Variants in AUTS2 observed in about 807,000 individuals in gnomAD.
The protein encoded by AUTS2 is autism susceptibility gene 2 protein.
A neutral mutation model predicts 112.4 loss-of-function variants in AUTS2; 17 were observed. That is an observed-to-expected ratio of 0.15 (90% CI 0.10 to 0.23). The LOEUF (loss-of-function observed/expected upper bound fraction) is 0.23, where lower values mean the gene tolerates loss of function less well. Ranked by LOEUF, AUTS2 falls within the 10% of genes least tolerant of loss-of-function variation. AUTS2 has a pLI of 1.00. For missense variants in AUTS2, 1,510 were observed against 1,701.6 expected, an observed-to-expected ratio of 0.89 and a Z score of 1.98; for synonymous variants, 751 against 702.7, an observed-to-expected ratio of 1.07 and a Z score of -1.09.
chr7:70,488,211 C>G (rs373268300), intron 5 of AUTS2, among the ~76,000 whole-genome samples: 4 of 152,312 alleles, frequency 2.6e-5, no homozygotes, highest in East Asian at 3.9e-4. Context: ...AGCCCTCGTG[C>G]CCGGCGCTCT....
At chr7:70,410,851 GTTA>G (rs138979707) in intron 4 of AUTS2, among the ~76,000 whole-genome samples, 59 of 148,188 alleles carry the variant, frequency 4.0e-4, no homozygotes, top group East Asian at 2.0e-3. Flanking sequence ...TATTATTATT[GTTA>G]TTATTATTAT....
At chr7:70,424,227 G>T (rs1007468031) in intron 4 of AUTS2, among the ~76,000 whole-genome samples, 1 of 152,214 alleles carries the variant, frequency 6.6e-6, no homozygotes, top group Non-Finnish European at 1.5e-5. Context: ...ACTGTGCTCA[G>T]TCCCTCTTAA....
At chr7:70,495,127 G>A (rs1487189232) in intron 5 of AUTS2, among the ~76,000 whole-genome samples, 1 of 150,686 alleles carries the variant, frequency 6.6e-6, no homozygotes, top group Non-Finnish European at 1.5e-5. Flanking sequence ...GTCTCGTGCC[G>A]ACCCTAGTAA....
At chr7:70,337,771 A>C (rs1231725587) in intron 4 of AUTS2, among the ~76,000 whole-genome samples, 3 of 152,320 alleles carry the variant, frequency 2.0e-5, no homozygotes, top group Non-Finnish European at 2.9e-5. Context: ...CATGCATGTT[A>C]ACATGTGTGT....
At chr7:70,000,536 A>G (rs1799144948) in intron 2 of AUTS2, among the ~76,000 whole-genome samples, 1 of 152,158 alleles carries the variant, frequency 6.6e-6, no homozygotes, top group Admixed American at 6.5e-5. Context: ...AACAGAGTTG[A>G]TTGTTTACCT....
intron 6 of AUTS2, among the ~76,000 whole-genome samples, chr7:70,762,134 A>AATG (rs2129556819): frequency 1.3e-5 from 2 of 152,372 alleles, no homozygotes; most frequent in African/African-American, 4.8e-5. Flanking sequence ...GATGTTAAAT[A>AATG]ATGTTTGACT....
chr7:70,790,793 C>T lies in AUTS2; in HGVS notation c.3577C>T (p.His1193Tyr), dbSNP rs758166715. Residue 1193 changes from histidine to tyrosine, a missense_variant, in exon 19 of 19, where the codon CAC becomes TAC. Physicochemically the swap from His to Tyr is moderately conservative, Grantham distance 83 (BLOSUM62 2). This residue lies in a region of AUTS2 where 788 missense variants were observed against 797.6 expected (regional missense o/e 0.99). Coordinates refer to ENST00000342771, the MANE Select transcript of AUTS2 (RefSeq NM_015570.4). The surrounding 1 kb of genome is among the most constrained non-coding windows in gnomAD (Gnocchi z 7.6). ...CATCACCCCGGGACTCCCCAGCATGCACTATCCCCGCATCAGCCCCACCGC... is the reference window on the plus strand; with the variant it reads ...CATCACCCCGGGACTCCCCAGCATGTACTATCCCCGCATCAGCCCCACCGC... ...SLITPGLPSMHYPRISPTAGN... is the reference protein window; with the variant it reads ...SLITPGLPSMYYPRISPTAGN... The T allele has an allele frequency of 1.2e-6, 2 of 1,610,776 alleles. No homozygotes were observed. Among genetic ancestry groups the T allele is most frequent in the Non-Finnish European group, 1.7e-6 (2 of 1,178,268 alleles).
chr7:69,785,023 A>G (rs561463626), intron 1 of AUTS2, among the ~76,000 whole-genome samples: 1 of 152,184 alleles, frequency 6.6e-6, no homozygotes, highest in South Asian at 2.1e-4. Flanking sequence ...GATAAATACT[A>G]TGAAAGGAAA....
chr7:70,430,900 A>T (rs1795634443), intron 4 of AUTS2, among the ~76,000 whole-genome samples: 1 of 121,286 alleles, frequency 8.2e-6, no homozygotes, highest in African/African-American at 3.3e-5. Context: ...CAGTGGCGGG[A>T]TCTCGGCTCA....
chr7:70,209,478 A>G (rs1167309236), intron 4 of AUTS2, among the ~76,000 whole-genome samples: 1 of 152,200 alleles, frequency 6.6e-6, no homozygotes, highest in Non-Finnish European at 1.5e-5. Context: ...AACCATCAGC[A>G]TATGGGATTG....
At chr7:70,597,313 TCC>T (rs1396967441) in intron 5 of AUTS2, among the ~76,000 whole-genome samples, 4 of 152,222 alleles carry the variant, frequency 2.6e-5, no homozygotes, top group Non-Finnish European at 5.9e-5. Context: ...ATACCAGAGC[TCC>T]CTCTCTCCTG....
chr7:70,076,908 C>T lies in AUTS2; in HGVS notation c.523-41224C>T, dbSNP rs1803062633. On this transcript the variant is annotated intron_variant, in intron 2 of 18. Coordinates refer to ENST00000342771, the MANE Select transcript of AUTS2 (RefSeq NM_015570.4). ...TAGAGTGCTTGCAGAGAAAGTTATC[C>T]AGGTGGTTGAAGGGACTCAGAATCA... is the stretch of plus-strand genomic sequence containing the variant. Among the ~76,000 whole-genome samples, 3 of 152,062 alleles carry T rather than the reference C, an allele frequency of 2.0e-5. No individual in the cohort carries two copies. The South Asian group carries it at 6.2e-4, about 31-fold the overall frequency.
At chr7:70,266,677 C>T (rs892520606) in intron 4 of AUTS2, among the ~76,000 whole-genome samples, 11 of 152,022 alleles carry the variant, frequency 7.2e-5, no homozygotes, top group African/African-American at 2.7e-4. Flanking sequence ...AAACTGTACT[C>T]TTAAAATGTG....
At chr7:70,580,059 G>A (rs927176716) in intron 5 of AUTS2, among the ~76,000 whole-genome samples, 1 of 152,036 alleles carries the variant, frequency 6.6e-6, no homozygotes, top group African/African-American at 2.4e-5. Flanking sequence ...GCCACTTGGG[G>A]CTCCACAACA....
chr7:70,034,307 TC>T (rs1800906416), intron 2 of AUTS2, among the ~76,000 whole-genome samples: 1 of 152,168 alleles, frequency 6.6e-6, no homozygotes, highest in Admixed American at 6.5e-5. Flanking sequence ...AATAAGTAAC[TC>T]TGTGATGCTT....
chr7:70,549,837 C>T (rs1800945541), intron 5 of AUTS2, among the ~76,000 whole-genome samples: 1 of 152,210 alleles, frequency 6.6e-6, no homozygotes, highest in African/African-American at 2.4e-5. Context: ...AAAAGGTAGA[C>T]ACCACACACT....
At chr7:70,230,988 G>A (rs77850741) in intron 4 of AUTS2, among the ~76,000 whole-genome samples, 224 of 152,346 alleles carry the variant, frequency 1.5e-3, no homozygotes, top group African/African-American at 5.1e-3. Flanking sequence ...TAGGGAGTGG[G>A]AGTAGCACCG....
intron 6 of AUTS2, among the ~76,000 whole-genome samples, chr7:70,726,922 CA>C (rs1033302697): frequency 1.3e-5 from 2 of 152,196 alleles, no homozygotes; most frequent in African/African-American, 4.8e-5. Flanking sequence ...TCTTTCCTCT[CA>C]GCTTTTAGAG....
intron 2 of AUTS2, among the ~76,000 whole-genome samples, chr7:70,117,120 T>G (rs1355693938): frequency 2.2e-4 from 27 of 123,036 alleles, no homozygotes; most frequent in African/African-American, 7.8e-4. Context: ...TTTTTTTGTT[T>G]TTTTTTGTTT....
Sources: allele counts gnomAD v4.1 joint callset (sites outside exome capture counted in the v4.1 genomes callset), GRCh38; gene constraint gnomAD v4.1.1; regional missense constraint gnomAD v4.1.1; non-coding constraint Gnocchi (gnomAD v3.1); transcripts MANE v1.5; gene names NCBI Gene and HGNC (gene_info 2026-07-23, HGNC 2026-07-21).